Variants in CHM observed in about 807,000 individuals in gnomAD.
CHM encodes rab proteins geranylgeranyltransferase component A 1.
CHM carries 10 observed loss-of-function variants against 49.0 expected under a neutral mutation model. The ratio of observed to expected loss-of-function variants is 0.20; its 90% CI spans 0.13 to 0.35. The LOEUF (loss-of-function observed/expected upper bound fraction) is 0.35. Ranked by LOEUF, CHM falls within the 10% of genes least tolerant of loss-of-function variation. The pLI is 1.00. For synonymous variants in CHM, 184 were observed against 167.5 expected, an observed-to-expected ratio of 1.10 and a Z score of -0.76; for missense variants, 455 against 478.4, an observed-to-expected ratio of 0.95 and a Z score of 0.46.
chrX:85,940,671 C>A (rs1024476273), intron 8 of CHM, among the ~76,000 whole-genome samples: 1 of 110,932 alleles, frequency 9.0e-6, no homozygotes, highest in East Asian at 2.8e-4. Flanking sequence ...AAACTCTGGT[C>A]TAAACCATGA....
intron 2 of CHM, among the ~76,000 whole-genome samples, chrX:86,018,255 T>C (rs762905399): frequency 8.9e-6 from 1 of 112,338 alleles, no homozygotes; most frequent in East Asian, 2.8e-4. Flanking sequence ...ATAAAAGATA[T>C]ACAGATGGCA....
chrX:85,887,162 T>A (rs914645747), intron 12 of CHM, among the ~76,000 whole-genome samples: 1 of 110,260 alleles, frequency 9.1e-6, no homozygotes, highest in Non-Finnish European at 1.9e-5. Flanking sequence ...GGTGATATGG[T>A]TTGGCTGTGT....
At chrX:85,930,732 A>G (rs896078940) in intron 8 of CHM, among the ~76,000 whole-genome samples, 2 of 111,781 alleles carry the variant, frequency 1.8e-5, no homozygotes, top group Admixed American at 9.6e-5. Flanking sequence ...ACGCTTTCCC[A>G]TAACTTAATT....
intron 7 of CHM, among the ~76,000 whole-genome samples, chrX:85,957,176 A>G (rs1317185869): frequency 8.9e-6 from 1 of 112,093 alleles, no homozygotes; most frequent in African/African-American, 3.2e-5. Context: ...TCTCATTGTA[A>G]CTTTATAAAT....
chrX:85,914,880 A>G lies in CHM; in HGVS notation c.1167-3542T>C, dbSNP rs772585835. ...CAGGTGCTTGACCTCAATAAACCAG[A>G]ACAAAGTAGCAGGCCTGGTCCCAGC... On this transcript the variant is annotated intron_variant, in intron 8 of 14. Coordinates refer to ENST00000357749, the MANE Select transcript of CHM (RefSeq NM_000390.4). 2.7e-5 allele frequency among the ~76,000 whole-genome samples: 3 copies of G among 110,896 alleles called. No homozygotes were observed. The South Asian group carries it at 1.2e-3, about 43-fold the overall frequency.
At chrX:85,970,103 C>CA (rs199510529) in intron 4 of CHM, 28,746 of 151,375 alleles carry the variant, frequency 0.19, 2,549 homozygotes, top group Non-Finnish European at 0.25. Flanking sequence ...AATGTTCTCA[C>CA]AAAAAATAAT....
intron 5 of CHM, among the ~76,000 whole-genome samples, chrX:85,960,227 A>G (rs187403612): frequency 8.9e-6 from 1 of 111,980 alleles, no homozygotes; most frequent in Non-Finnish European, 1.9e-5. Flanking sequence ...TAATAATGTC[A>G]CAAACATTAA....
Position 85,863,410 on chromosome X carries a change from C to G in CHM, c.*1220G>C, listed in dbSNP as rs974261010. 2.3e-4 allele frequency: 26 copies of G among 111,598 alleles called. No homozygotes were observed. Among genetic ancestry groups the G allele is most frequent in the African/African-American group, 8.5e-4 (26 of 30,734 alleles). The allele number at this position is 111,598 out of a possible 1,213,427, so 9.2% of individuals were successfully genotyped here. The stretch of plus-strand genomic sequence containing the variant: ...TTTATGTAGTGTATATTAGGGCTTA[C>G]CAACTGTCATACACAATTTGGAGTC... On this transcript the variant is annotated 3_prime_UTR_variant, in exon 15 of 15. Transcript: ENST00000357749.
intron 12 of CHM, among the ~76,000 whole-genome samples, chrX:85,893,073 G>A (rs1001255006): frequency 1.8e-5 from 2 of 111,402 alleles, no homozygotes; most frequent in Non-Finnish European, 3.8e-5. Context: ...TATGGTAAGG[G>A]AATATCTTAT....
chrX:85,949,978 A>ATATATATATATATAT, intron 8 of CHM, among the ~76,000 whole-genome samples: 1 of 42,799 alleles, frequency 2.3e-5, no homozygotes, highest in Non-Finnish European at 4.4e-5. Flanking sequence ...ACTGAAATTA[A>ATATATATATATATAT]ATATATATAT....
At chrX:86,036,218 A>G (rs1934239870) in intron 1 of CHM, among the ~76,000 whole-genome samples, 1 of 111,369 alleles carries the variant, frequency 9.0e-6, no homozygotes, top group African/African-American at 3.3e-5. Context: ...TTGGTTTTAT[A>G]TATTTTAGGG....
chrX:85,935,872 AT>A (rs1456803277), intron 8 of CHM, among the ~76,000 whole-genome samples: 2 of 112,509 alleles, frequency 1.8e-5, no homozygotes, highest in Non-Finnish European at 3.8e-5. Flanking sequence ...TAAAAGCTAC[AT>A]TAATTATTTC....
At chrX:85,873,711 T>C (rs887590348) in intron 13 of CHM, among the ~76,000 whole-genome samples, 3 of 111,017 alleles carry the variant, frequency 2.7e-5, no homozygotes, top group African/African-American at 9.8e-5. Context: ...CTGATGGTGG[T>C]GATGTATGGA....
rs1928185058 is a variant in CHM at position 85,927,893 on chromosome X, T to A, written c.1167-16555A>T. Among the ~76,000 whole-genome samples the A allele has an allele frequency of 2.7e-5, 3 of 112,341 alleles. No homozygotes were observed. The South Asian group carries it at 1.1e-3, about 42-fold the overall frequency. ...CAGTTGTAATTTTCTTAATCATAGCTGCAAAACAGTATGACCCACTAATAG... is the reference window on the plus strand; with the variant it reads ...CAGTTGTAATTTTCTTAATCATAGCAGCAAAACAGTATGACCCACTAATAG... On this transcript the variant is annotated intron_variant, in intron 8 of 14. Coordinates refer to ENST00000357749, the MANE Select transcript of CHM (RefSeq NM_000390.4).
intron 1 of CHM, among the ~76,000 whole-genome samples, chrX:86,028,771 G>A (rs150013731): frequency 9.0e-6 from 1 of 111,175 alleles, no homozygotes; most frequent in South Asian, 3.8e-4. Flanking sequence ...TGCTTTAAAA[G>A]TTTAGTGCAA....
chrX:86,043,409 CTTTT>C (rs374685830), intron 1 of CHM, among the ~76,000 whole-genome samples: 32 of 100,964 alleles, frequency 3.2e-4, no homozygotes, highest in African/African-American at 9.7e-4. Context: ...AGCAATAAAA[CTTTT>C]TTTTTTTTTT....
intron 9 of CHM, chrX:85,903,546 A>C (rs1318168932): frequency 5.2e-6 from 2 of 382,615 alleles, no homozygotes; most frequent in African/African-American, 5.1e-5. Context: ...TAGGGAGCTC[A>C]ACCATACCAG....
At position 85,895,912 on chromosome X, in the gene CHM, C is replaced by A. The variant is rs904277778; in HGVS notation, c.1414-1628G>T. Among the ~76,000 whole-genome samples the A allele has an allele frequency of 5.1e-4, 56 of 108,952 alleles. 1 individual carries two copies. Among genetic ancestry groups the A allele is most frequent in the African/African-American group, 1.8e-3 (54 of 30,083 alleles). The allele number at this position is 108,952 out of a possible 115,157, so 94.6% of individuals were successfully genotyped here. A position where few individuals can be genotyped will look rare whatever the true frequency, so the allele number is the denominator to read the frequency against. On this transcript the variant is annotated intron_variant, in intron 11 of 14. Transcript: ENST00000357749. Reference sequence around the variant, plus strand: ...ATGTAAGGACGTCTTTTGATTTCTACGACTATCACCTTTTTTTTTTTAACT... The same window carrying A: ...ATGTAAGGACGTCTTTTGATTTCTAAGACTATCACCTTTTTTTTTTTAACT...
chrX:85,899,034 A>G (rs777644913), intron 11 of CHM, among the ~76,000 whole-genome samples: 40 of 112,473 alleles, frequency 3.6e-4, no homozygotes, highest in Non-Finnish European at 5.4e-4. Flanking sequence ...GACTTTATCC[A>G]CTCACATATT....
Sources: gnomAD v4.1 joint callset for allele counts (sites outside exome capture counted in the v4.1 genomes callset) on GRCh38, gnomAD v4.1.1 for gene constraint, MANE v1.5 for transcripts, NCBI Gene and HGNC (gene_info 2026-07-23, HGNC 2026-07-21) for gene names.